Variants in MMD2 observed in about 807,000 individuals in gnomAD.
MMD2 encodes the protein monocyte to macrophage differentiation factor 2.
Under a neutral mutation model 33.5 loss-of-function variants are expected in MMD2, and 30 were observed. The ratio of observed to expected loss-of-function variants is 0.90; its 90% confidence interval spans 0.67 to 1.22. The LOEUF (loss-of-function observed/expected upper bound fraction) is 1.22, where lower values mean the gene tolerates loss of function less well. Among genes scored for constraint, MMD2 ranks in the 50% most tolerant of loss-of-function variants. The probability of loss-of-function intolerance (pLI) is 0.00; values close to 1 mark genes in which losing one functional copy is unlikely to be tolerated. For missense variants in MMD2, 364 were observed against 325.4 expected, an observed-to-expected ratio of 1.12 and a Z score of -0.91; for synonymous variants, 129 against 123.0, an observed-to-expected ratio of 1.05 and a Z score of -0.32.
At chr7:4,925,706 C>T (rs1279588056) in intron 1 of MMD2, among the ~76,000 whole-genome samples, 174 bp from the exon 2 acceptor site, 1 of 152,128 alleles carries the variant, frequency 6.6e-6, no homozygotes, top group African/African-American at 2.4e-5. Context: ...TCACTCTTTC[C>T]GATCATTAAA....
At chr7:4,897,227 T>TAAAAAAAAAAAAAAAAAAAAAAAAAAAA in the MMD2 span, among the ~76,000 whole-genome samples, 1 of 117,174 alleles carries the variant, frequency 8.5e-6, no homozygotes, top group Non-Finnish European at 1.8e-5. Flanking sequence ...GTGTTATATT[T>TAAAAAAAAAAAAAAAAAAAAAAAAAAAA]AAAAAAAAAA....
chr7:4,955,650 G>C (rs1384332612), intron 1 of MMD2, among the ~76,000 whole-genome samples: 1 of 152,116 alleles, frequency 6.6e-6, no homozygotes. Flanking sequence ...TGGATATAAA[G>C]AGTTAACTAA....
intron 1 of MMD2, among the ~76,000 whole-genome samples, chr7:4,945,185 T>TTCTTCTTCTTCTTC (rs1554273338): frequency 0.015 from 1,405 of 93,538 alleles, 38 homozygotes; most frequent in Admixed American, 0.03. Flanking sequence ...CCTCTTCCTC[T>TTCTTCTTCTTCTTC]TTCTTCTTCT....
At chr7:4,900,296 T>C in the MMD2 span, among the ~76,000 whole-genome samples, 1 of 152,086 alleles carries the variant, frequency 6.6e-6, no homozygotes, top group Admixed American at 6.5e-5. Context: ...AATTTCATCT[T>C]GTGAGGTTTT....
chr7:4,907,095 A>C lies in MMD2; in HGVS notation c.*301T>G. The C allele has an allele frequency of 2.8e-6, 1 of 361,540 alleles. No homozygotes were observed. The highest frequency in any genetic ancestry group is 5.1e-6 in the Non-Finnish European group (1 of 195,644). The allele number at this position is 361,540 out of a possible 1,614,324, so 22.4% of individuals were successfully genotyped here. A position where few individuals can be genotyped will look rare whatever the true frequency, so the allele number is the denominator to read the frequency against. The stretch of plus-strand genomic sequence containing the variant: ...ACACAGATTGGCCCGTCATTCCCCA[A>C]TTTTCCAGGACCATGCCTGCTTCCT... On this transcript the variant is annotated 3_prime_UTR_variant, in exon 7 of 7. Coordinates refer to ENST00000401401, the MANE Select transcript of MMD2 (RefSeq NM_198403.4).
chr7:4,893,024 G>C, the MMD2 span, among the ~76,000 whole-genome samples: 1 of 152,166 alleles, frequency 6.6e-6, no homozygotes, highest in Non-Finnish European at 1.5e-5. Context: ...GACTAATTGC[G>C]GTTTCTAAGA....
At chr7:4,935,950 C>A (rs60246037) in intron 1 of MMD2, among the ~76,000 whole-genome samples, 1 of 151,554 alleles carries the variant, frequency 6.6e-6, no homozygotes, top group Non-Finnish European at 1.5e-5. Flanking sequence ...TTTGGGAGGC[C>A]GAGGCAAGCA....
Position 4,909,970 on chromosome 7 carries a change from T to C in MMD2, c.468-20A>G. 2 of 1,613,972 alleles carry C rather than the reference T, an allele frequency of 1.2e-6. No homozygotes were observed. The highest frequency in any genetic ancestry group is 1.7e-6 in the Non-Finnish European group (2 of 1,179,902). ...TTGTACCTGGCAGGAAGACAAGCCG[T>C]GCCGGCCTTAGGACATGCCTCCCCA... is the stretch of plus-strand genomic sequence containing the variant. On this transcript the variant is annotated intron_variant, in intron 5 of 6. Coordinates refer to ENST00000401401, the MANE Select transcript of MMD2 (RefSeq NM_198403.4).
At chr7:4,909,129 G>C (rs1784941289) in intron 6 of MMD2, among the ~76,000 whole-genome samples, 1 of 152,044 alleles carries the variant, frequency 6.6e-6, no homozygotes, top group Non-Finnish European at 1.5e-5. Flanking sequence ...AAAAAAACAT[G>C]GTAAGAAAAA....
chr7:4,958,369 G>C (rs1228896120), intron 1 of MMD2, among the ~76,000 whole-genome samples: 2 of 152,144 alleles, frequency 1.3e-5, no homozygotes, highest in Non-Finnish European at 2.9e-5. Flanking sequence ...CACAATGTCT[G>C]TTAATCACCA....
chr7:4,944,134 G>T (rs1042950254), intron 1 of MMD2, among the ~76,000 whole-genome samples: 2 of 151,420 alleles, frequency 1.3e-5, no homozygotes, highest in Admixed American at 6.6e-5. Flanking sequence ...AATTAGCTGG[G>T]TATGGTGGCA....
At chr7:4,905,349 GGAGGAGAAGGAGGAAGAGGAAGGGGAA>G (rs891415667), downstream of MMD2, among the ~76,000 whole-genome samples, 1 of 148,482 alleles carries the variant, frequency 6.7e-6, no homozygotes, top group Admixed American at 6.9e-5. This position sits in a 1 kb window ranked among gnomAD's most constrained non-coding sequence, Gnocchi z 5.0. Context: ...AAGAAGAGGA[GGAGGAGAAGGAGGAAGAGGAAGGGGAA>G]GAGGAGGAAG....
At chr7:4,955,513 ACT>A (rs1188479851) in intron 1 of MMD2, among the ~76,000 whole-genome samples, 4 of 152,206 alleles carry the variant, frequency 2.6e-5, no homozygotes, top group African/African-American at 9.6e-5. Context: ...CTTGGAATTG[ACT>A]AGCCCAAATT....
intron 1 of MMD2, among the ~76,000 whole-genome samples, chr7:4,951,510 C>T: frequency 6.6e-6 from 1 of 152,056 alleles, no homozygotes; most frequent in South Asian, 2.1e-4. Context: ...CCTGAAGAGC[C>T]CACTTACATG....
intron 2 of MMD2, among the ~76,000 whole-genome samples, chr7:4,920,573 T>C (rs1785255478): frequency 6.7e-6 from 1 of 149,166 alleles, no homozygotes. Flanking sequence ...CCAGCCTTCC[T>C]TCCTTCCTCT....
the MMD2 span, among the ~76,000 whole-genome samples, chr7:4,893,648 T>TAGTG: frequency 6.6e-6 from 1 of 151,666 alleles, no homozygotes; most frequent in African/African-American, 2.4e-5. Context: ...TGCCTCGGCC[T>TAGTG]CCCAAAGCAC....
intron 3 of MMD2, 137 bp downstream of exon 3, chr7:4,920,034 C>G (rs1212155241): frequency 9.8e-7 from 1 of 1,021,478 alleles, no homozygotes; most frequent in Non-Finnish European, 1.4e-6. Flanking sequence ...CCTGCAAAGT[C>G]GCCCAGCCCA....
At chr7:4,932,238 G>C (rs1399701570) in intron 1 of MMD2, among the ~76,000 whole-genome samples, 1 of 152,132 alleles carries the variant, frequency 6.6e-6, no homozygotes, top group Admixed American at 6.6e-5. Context: ...CTGGCGGAGA[G>C]GGGAGAGGGA....
At chr7:4,944,969 C>T (rs1786016333) in intron 1 of MMD2, among the ~76,000 whole-genome samples, 2 of 150,738 alleles carry the variant, frequency 1.3e-5, no homozygotes, top group Admixed American at 1.3e-4. Flanking sequence ...CGGGGTTTCA[C>T]CATGTTAGCC....
Sources: gnomAD v4.1 joint callset for allele counts (sites outside exome capture counted in the v4.1 genomes callset) on GRCh38, gnomAD v4.1.1 for gene constraint, Gnocchi (gnomAD v3.1) non-coding constraint, MANE v1.5 for transcripts, NCBI Gene and HGNC (gene_info 2026-07-23, HGNC 2026-07-21) for gene names.